Variants in MTMR14 observed in about 807,000 individuals in gnomAD.
The protein encoded by MTMR14 is myotubularin related protein 14.
MTMR14 carries 48 observed loss-of-function variants against 86.3 expected under a neutral mutation model. The ratio of observed to expected loss-of-function variants is 0.56; its 90% CI spans 0.44 to 0.71. The LOEUF (loss-of-function observed/expected upper bound fraction) is 0.71. Ranked by LOEUF, MTMR14 falls within the 30% of genes least tolerant of loss-of-function variation. The probability of loss-of-function intolerance (pLI) is 0.00; values close to 1 mark genes in which losing one functional copy is unlikely to be tolerated. For synonymous variants in MTMR14, 366 were observed against 326.1 expected, an observed-to-expected ratio of 1.12 and a Z score of -1.32; for missense variants, 780 against 834.6, an observed-to-expected ratio of 0.93 and a Z score of 0.81.
At chr3:9,672,548 C>T in intron 6 of MTMR14, 137 bp from the exon 7 acceptor site, 1 of 790,764 alleles carries the variant, frequency 1.3e-6, no homozygotes, top group Non-Finnish European at 2.2e-6. Flanking sequence ...GTAGGCACTG[C>T]TGAAGGGAAT....
chr3:9,682,861 TG>T (rs2125250934), intron 9 of MTMR14, among the ~76,000 whole-genome samples: 1 of 152,208 alleles, frequency 6.6e-6, no homozygotes, highest in African/African-American at 2.4e-5. Context: ...AGGACCCTAA[TG>T]TGGGCAGGGG....
At chr3:9,651,292 A>G (rs1459219779) in intron 1 of MTMR14, among the ~76,000 whole-genome samples, 2 of 150,738 alleles carry the variant, frequency 1.3e-5, no homozygotes, top group Non-Finnish European at 3.0e-5. Context: ...TCCTAGAGAC[A>G]TGGTCTCGCT....
intron 18 of MTMR14, among the ~76,000 whole-genome samples, chr3:9,698,868 TA>T (rs201678479): frequency 6.5e-4 from 94 of 144,852 alleles, no homozygotes; most frequent in South Asian, 8.7e-4. Flanking sequence ...TTCGAAGGCT[TA>T]AAAAAAAAAA....
intron 2 of MTMR14, among the ~76,000 whole-genome samples, chr3:9,655,596 G>A (rs866912810): frequency 6.7e-6 from 1 of 149,488 alleles, no homozygotes; most frequent in Non-Finnish European, 1.5e-5. Context: ...GAGTAGCTGG[G>A]ATTACAGGCG....
At chr3:9,692,088 G>A (rs1027179930) in intron 17 of MTMR14, among the ~76,000 whole-genome samples, 7 of 152,204 alleles carry the variant, frequency 4.6e-5, no homozygotes, top group Non-Finnish European at 1.0e-4. Flanking sequence ...AAGGGATCCT[G>A]TCATTACCCT....
Position 9,653,731 on chromosome 3 carries a change from G to A in MTMR14, c.270G>A (p.Val90=), listed in dbSNP as rs1342235588. The change falls in exon 2 of 19, where the codon GTG becomes GTA. Residue 90 remains valine (V), a synonymous_variant. Transcript: ENST00000296003. ...GTGGCCACTATCCCCGGCACATCGTGTTCCTGGAGTATGAGAGTTCTGAGA... is the reference window on the plus strand; with the variant it reads ...GTGGCCACTATCCCCGGCACATCGTATTCCTGGAGTATGAGAGTTCTGAGA... ...DICGHYPRHI[V]FLEYESSEKE... is the part of the protein sequence containing the mutation. 6.2e-7 allele frequency: 1 copy of A among 1,614,168 alleles called. No homozygotes were observed. The highest frequency in any genetic ancestry group is 1.1e-5 in the South Asian group (1 of 91,078).
At chr3:9,682,334 C>G (rs1387857026) in intron 9 of MTMR14, among the ~76,000 whole-genome samples, 1 of 152,204 alleles carries the variant, frequency 6.6e-6, no homozygotes, top group Non-Finnish European at 1.5e-5. Flanking sequence ...TCCCCCTCCC[C>G]CTGGGAAGTG....
chr3:9,670,130 A>T (rs1360248678), intron 5 of MTMR14, among the ~76,000 whole-genome samples: 1 of 152,258 alleles, frequency 6.6e-6, no homozygotes, highest in Non-Finnish European at 1.5e-5. Context: ...CATGGTCTGT[A>T]CCACATGGAA....
intron 7 of MTMR14, among the ~76,000 whole-genome samples, chr3:9,674,542 C>T (rs2125164844): frequency 6.6e-6 from 1 of 152,328 alleles, no homozygotes; most frequent in Admixed American, 6.5e-5. Context: ...AATCTCAGCA[C>T]TTTGGGAGGC....
intron 18 of MTMR14, among the ~76,000 whole-genome samples, chr3:9,698,708 GCAGTCAGGAGC>G (rs892787849): frequency 5.3e-5 from 8 of 152,192 alleles, no homozygotes; most frequent in Non-Finnish European, 8.8e-5. Flanking sequence ...CTAGCTGAGG[GCAGTCAGGAGC>G]CAGTCAGACC....
At position 9,684,204 on chromosome 3, in the gene MTMR14, A is replaced by G. The variant is rs1158304488; in HGVS notation, c.965-381A>G. Among the ~76,000 whole-genome samples, 3 of 152,114 alleles carry G rather than the reference A, an allele frequency of 2.0e-5. No homozygotes were observed. In the East Asian group the frequency reaches 5.8e-4, roughly 29 times the overall value. On this transcript the variant is annotated intron_variant, in intron 10 of 18. Transcript: ENST00000296003. ...GGCCAGGGATAGTCAGTGTCCTGCA[A>G]TTCATGCAGCCCTGCACACTGAAAA... is the stretch of plus-strand genomic sequence containing the variant.
At chr3:9,687,745 G>A in intron 13 of MTMR14, 76 bp from the exon 14 acceptor site, 1 of 1,272,852 alleles carries the variant, frequency 7.9e-7, no homozygotes, top group Non-Finnish European at 1.1e-6. Context: ...CTTGACCTGA[G>A]TGGCTGGCCG....
intron 9 of MTMR14, among the ~76,000 whole-genome samples, chr3:9,679,703 T>G (rs571558964): frequency 6.6e-6 from 1 of 152,218 alleles, no homozygotes; most frequent in East Asian, 1.9e-4. Flanking sequence ...CAGTACCTAT[T>G]TCAGAGTTGT....
chr3:9,692,171 T>G (rs965080729), intron 17 of MTMR14, among the ~76,000 whole-genome samples: 1 of 152,186 alleles, frequency 6.6e-6, no homozygotes, highest in East Asian at 1.9e-4. Context: ...AAGAAACCTT[T>G]TAGTGAAGCT....
At chr3:9,700,062 T>C in intron 18 of MTMR14, 1 of 152,276 alleles carries the variant, frequency 6.6e-6, no homozygotes, top group Non-Finnish European at 1.5e-5. Flanking sequence ...CTTCCATCTC[T>C]CACATTTCAC....
chr3:9,657,547 CT>C (rs532896796), intron 2 of MTMR14, among the ~76,000 whole-genome samples: 31 of 146,660 alleles, frequency 2.1e-4, no homozygotes, highest in African/African-American at 3.5e-4. Flanking sequence ...TATCACCACT[CT>C]TTTTTTTTTT....
chr3:9,681,736 C>T (rs1329975695), intron 9 of MTMR14, among the ~76,000 whole-genome samples: 3 of 152,126 alleles, frequency 2.0e-5, no homozygotes, highest in East Asian at 3.9e-4. Flanking sequence ...TGAGCAGTTC[C>T]CTCAGACTTC....
In MTMR14 at chr3:9,662,406, C is replaced by G. The variant is rs375332156; in HGVS notation, c.417+31C>G. 3.2e-6 allele frequency: 5 copies of G among 1,569,118 alleles called. No individual in the cohort carries two copies. The East Asian group carries it at 8.9e-5, about 28-fold the overall frequency. ...GCCCATACCATAGCTTCATGCTCCACGACTCTCTTCTGGGGTAGCTGACTT... is the reference window on the plus strand; with the variant it reads ...GCCCATACCATAGCTTCATGCTCCAGGACTCTCTTCTGGGGTAGCTGACTT... On this transcript the variant is annotated intron_variant, in intron 3 of 18. Coordinates refer to ENST00000296003, the MANE Select transcript of MTMR14 (RefSeq NM_001077525.3).
chr3:9,696,182 G>A (rs902357315), intron 17 of MTMR14, among the ~76,000 whole-genome samples: 2 of 152,204 alleles, frequency 1.3e-5, no homozygotes, highest in Non-Finnish European at 2.9e-5. Flanking sequence ...CAGGACAAAT[G>A]TGTAATCATT....
Sources: allele counts gnomAD v4.1 joint callset (sites outside exome capture counted in the v4.1 genomes callset), GRCh38; gene constraint gnomAD v4.1.1; transcripts MANE v1.5; gene names NCBI Gene and HGNC (gene_info 2026-07-23, HGNC 2026-07-21).